Variants in ZNF423 observed in about 807,000 individuals in gnomAD.
ZNF423 encodes Ebf-associated zinc finger protein.
ZNF423 carries 12 observed loss-of-function variants against 95.8 expected under a neutral mutation model. The observed-to-expected ratio is 0.13, with a 90% CI of 0.08 to 0.20. The LOEUF (loss-of-function observed/expected upper bound fraction) is 0.20. Ranked by LOEUF, ZNF423 falls within the 10% of genes least tolerant of loss-of-function variation. The pLI, the probability that ZNF423 is intolerant of heterozygous loss-of-function variation, is 1.00. For synonymous variants in ZNF423, 749 were observed against 711.9 expected (o/e 1.05, Z -0.83); for missense variants, 1,316 against 1,737.1 (o/e 0.76, Z 4.31).
chr16:49,772,991 G>A (rs2034060551), intron 2 of ZNF423, among the ~76,000 whole-genome samples: 1 of 152,240 alleles, frequency 6.6e-6, no homozygotes, highest in Admixed American at 6.5e-5. Flanking sequence ...GCAGGATGGA[G>A]TGAGTGCTGA....
chr16:49,511,714 A>G (rs1476078739), intron 7 of ZNF423, among the ~76,000 whole-genome samples: 2 of 152,236 alleles, frequency 1.3e-5, no homozygotes, highest in African/African-American at 4.8e-5. Context: ...ATGGCCCCTC[A>G]GGAGACACAG....
At chr16:49,723,570 A>T (rs2032927544) in intron 3 of ZNF423, among the ~76,000 whole-genome samples, 1 of 152,234 alleles carries the variant, frequency 6.6e-6, no homozygotes, top group Admixed American at 6.5e-5. Flanking sequence ...ATGTAGTTGA[A>T]TGTTTTGACT....
chr16:49,516,878 C>G (rs11863402), intron 7 of ZNF423, among the ~76,000 whole-genome samples: 1 of 152,060 alleles, frequency 6.6e-6, no homozygotes, highest in Non-Finnish European at 1.5e-5. Context: ...TGGCTGCCAC[C>G]GCTGTCACTA....
intron 5 of ZNF423, among the ~76,000 whole-genome samples, chr16:49,617,935 C>A (rs536296895): frequency 1.3e-5 from 2 of 152,346 alleles, no homozygotes; most frequent in East Asian, 3.9e-4. Context: ...CCTTCAGCAC[C>A]AACCACCCTA....
At chr16:49,759,378 G>A (rs1159053989) in intron 2 of ZNF423, among the ~76,000 whole-genome samples, 1 of 151,616 alleles carries the variant, frequency 6.6e-6, no homozygotes, top group African/African-American at 2.4e-5. Context: ...CAGCCTGGGT[G>A]ACAGGGCGAG....
At chr16:49,611,578 A>G (rs900361231) in intron 5 of ZNF423, among the ~76,000 whole-genome samples, 3 of 152,002 alleles carry the variant, frequency 2.0e-5, no homozygotes, top group Admixed American at 2.0e-4. Flanking sequence ...CTTCCACCTC[A>G]AAGACCTAGA....
At chr16:49,823,652 A>G (rs1159503135) in intron 1 of ZNF423, among the ~76,000 whole-genome samples, 1 of 152,194 alleles carries the variant, frequency 6.6e-6, no homozygotes, top group Non-Finnish European at 1.5e-5. Context: ...TTGGGGGAAA[A>G]AAAAAGGAGA....
At chr16:49,583,997 C>T (rs1970747486) in intron 5 of ZNF423, among the ~76,000 whole-genome samples, 1 of 152,184 alleles carries the variant, frequency 6.6e-6, no homozygotes, top group African/African-American at 2.4e-5. Context: ...ACCAGCCAGG[C>T]CTAGAAGATG....
intron 2 of ZNF423, among the ~76,000 whole-genome samples, chr16:49,771,413 C>T (rs548638777): frequency 3.3e-5 from 5 of 152,104 alleles, no homozygotes; most frequent in South Asian, 4.2e-4. Context: ...CCATGGTGGC[C>T]GGGCTGGTCT....
chr16:49,702,240 A>G (rs1240389538), intron 3 of ZNF423, among the ~76,000 whole-genome samples: 1 of 152,202 alleles, frequency 6.6e-6, no homozygotes, highest in Admixed American at 6.5e-5. Flanking sequence ...GGGCCTTTGG[A>G]GACGCTCACA....
intron 2 of ZNF423, among the ~76,000 whole-genome samples, chr16:49,753,601 TA>T (rs34010796): frequency 0.19 from 22,875 of 119,086 alleles, 1,760 homozygotes; most frequent in Middle Eastern, 0.31. Flanking sequence ...AGACCCTATT[TA>T]AAAAAAAAAA....
At chr16:49,813,741 C>T (rs1387424977) in intron 1 of ZNF423, among the ~76,000 whole-genome samples, 1 of 152,214 alleles carries the variant, frequency 6.6e-6, no homozygotes, top group African/African-American at 2.4e-5. Flanking sequence ...GAGTTGGCTT[C>T]TGTCACCTGC....
rs572070800 is a variant in ZNF423 at position 49,667,630 on chromosome 16, C to A, written c.302-28756G>T. Among the ~76,000 whole-genome samples the A allele has an allele frequency of 3.6e-4, 55 of 152,358 alleles. No homozygotes were observed. In the South Asian group the frequency reaches 0.011, roughly 30 times the overall value. On this transcript the variant is annotated intron_variant, in intron 3 of 7. Coordinates refer to ENST00000563137, the MANE Select transcript of ZNF423 (RefSeq NM_001379286.1). The stretch of plus-strand genomic sequence containing the variant: ...GGCACAGTGGCCCATGCCTATAATC[C>A]CAGCACTTTGGGAAGCTGAGGCAGG...
chr16:49,770,444 G>T (rs1448502987), intron 2 of ZNF423, among the ~76,000 whole-genome samples: 1 of 152,206 alleles, frequency 6.6e-6, no homozygotes, highest in African/African-American at 2.4e-5. Flanking sequence ...AGGGGGAGTA[G>T]GGGAGGGAGA....
At chr16:49,592,145 T>C (rs1007637306) in intron 5 of ZNF423, among the ~76,000 whole-genome samples, 2 of 152,272 alleles carry the variant, frequency 1.3e-5, no homozygotes, top group African/African-American at 4.8e-5. Context: ...TGTATAAATA[T>C]CAAACTACAA....
intron 5 of ZNF423, 37 bp from the exon 6 acceptor site, chr16:49,525,531 T>C (rs770564405): frequency 1.9e-6 from 3 of 1,612,630 alleles, no homozygotes; most frequent in African/African-American, 1.3e-5. Flanking sequence ...GTGACCAGCA[T>C]GCCATGTCCC....
intron 5 of ZNF423, among the ~76,000 whole-genome samples, chr16:49,591,536 A>G (rs905383997): frequency 6.6e-6 from 1 of 151,592 alleles, no homozygotes; most frequent in African/African-American, 2.4e-5. Context: ...GTGCAAAAAT[A>G]GGGCATTATA....
At chr16:49,640,227 G>A (rs1469009833) in intron 3 of ZNF423, among the ~76,000 whole-genome samples, 1 of 152,100 alleles carries the variant, frequency 6.6e-6, no homozygotes, top group Non-Finnish European at 1.5e-5. Flanking sequence ...GGAAGGGATG[G>A]GGCAGGCGCA....
intron 2 of ZNF423, among the ~76,000 whole-genome samples, chr16:49,787,857 A>C (rs1427323057): frequency 6.6e-6 from 1 of 152,038 alleles, no homozygotes; most frequent in Non-Finnish European, 1.5e-5. Context: ...GTGCTTTCCT[A>C]GTTCAGGGGT....
Sources: gnomAD v4.1 joint callset for allele counts (sites outside exome capture counted in the v4.1 genomes callset) on GRCh38, gnomAD v4.1.1 for gene constraint, MANE v1.5 for transcripts, NCBI Gene and HGNC (gene_info 2026-07-23, HGNC 2026-07-21) for gene names.